AKR1C2: variants seen among roughly 807,000 people sequenced by gnomAD.
The protein encoded by AKR1C2 is aldo-keto reductase family 1 member C2, also known as 3-alpha-HSD3.
AKR1C2 carries 27 observed loss-of-function variants against 39.8 expected under a neutral mutation model. The observed-to-expected ratio is 0.68, with a 90% confidence interval of 0.50 to 0.93. The LOEUF (loss-of-function observed/expected upper bound fraction) is 0.93, where lower values mean the gene tolerates loss of function less well. AKR1C2 is among the 40% of genes least tolerant of loss of function. The pLI is 0.00. For missense variants in AKR1C2, 263 were observed against 365.1 expected (o/e 0.72, Z 2.28); for synonymous variants, 114 against 137.9 (o/e 0.83, Z 1.22).
chr10:5,000,068 A>T (rs1487237672), intron 3 of AKR1C2: 2 of 1,099,472 alleles, frequency 1.8e-6, no homozygotes, highest in African/African-American at 3.3e-5. Context: ...GTGAAAAGAG[A>T]GGAAGCAGAA....
chr10:5,011,039 C>A (rs78954779), intron 1 of AKR1C2, among the ~76,000 whole-genome samples: 175 of 140,388 alleles, frequency 1.2e-3, no homozygotes, highest in Non-Finnish European at 1.3e-3. Context: ...TTCTGTAAAG[C>A]AAAAAAAAAA....
At position 4,995,809 on chromosome 10, in the gene AKR1C2, T is replaced by C. The variant is rs782772564; in HGVS notation, c.627A>G (p.Lys209=). The C allele has an allele frequency of 9.3e-6, 15 of 1,612,676 alleles. No individual in the cohort carries two copies. The South Asian group carries it at 1.4e-4, about 15-fold the overall frequency. Residue 209 remains lysine (K), a synonymous_variant, in exon 6 of 9, where the codon AAA becomes AAG. Transcript: ENST00000380753. The stretch of plus-strand genomic sequence containing the variant: ...CACTATAGGCAACCAGAACAATGTC[T>C]TTTGACTTGCAGAAATCCAGCAGTT... ...QRKLLDFCKS[K]DIVLVAYSAL... is the part of the protein sequence containing the mutation.
intron 7 of AKR1C2, among the ~76,000 whole-genome samples, chr10:4,992,904 C>T (rs1554772421): frequency 6.6e-6 from 1 of 151,936 alleles, no homozygotes; most frequent in Non-Finnish European, 1.5e-5. Context: ...GAGCCGAGTT[C>T]GTGCCACTGC....
rs368392406 is a variant in AKR1C2 at position 5,001,700 on chromosome 10, G to A, written c.85-19C>T. ...TAGGAACCTGGGGGAGCAACCAAAC[G>A]TAATATTTTCTGACTAATGTGCCTG... On this transcript the variant is annotated intron_variant, in intron 1 of 8. Transcript: ENST00000380753. 4.3e-5 allele frequency: 69 copies of A among 1,613,032 alleles called. No homozygotes were observed. The highest frequency in any genetic ancestry group is 1.6e-4 in the Middle Eastern group (1 of 6,082).
chr10:4,988,767 T>C lies in AKR1C2; in HGVS notation c.*1229A>G, dbSNP rs1836742693. 6.6e-6 allele frequency: 1 copy of C among 150,626 alleles called. No homozygotes were observed. Among genetic ancestry groups the C allele is most frequent in the Admixed American group, 6.6e-5 (1 of 15,116 alleles). 9.3% of individuals were successfully genotyped at this position (150,626 alleles called of 1,614,324 possible). On this transcript the variant is annotated 3_prime_UTR_variant, in exon 9 of 9. Coordinates refer to ENST00000380753, the MANE Select transcript of AKR1C2 (RefSeq NM_001393392.1). Reference sequence around the variant, plus strand: ...TCATAATGCTTTGATCATTAAGACATGAGATTATCCCAAGTTTTCAAAAGT... The same window carrying C: ...TCATAATGCTTTGATCATTAAGACACGAGATTATCCCAAGTTTTCAAAAGT...
Position 4,995,466 on chromosome 10 carries a change from C to G in AKR1C2, c.699G>C (p.Pro233=). The G allele has an allele frequency of 6.5e-7, 1 of 1,534,558 alleles. No homozygotes were observed. Among genetic ancestry groups the G allele is most frequent in the East Asian group, 2.3e-5 (1 of 43,140 alleles). The part of the protein sequence containing the change: ...REEPWVDPNS[P]VLLEDPVLCA... ...AAAGGACTGGGTCCTCCAAGAGCAC[C>G]GGGGAGTTCGGGTCCACCCTGGAAG... is the stretch of plus-strand genomic sequence containing the variant. The change falls in exon 7 of 9, where the codon CCG becomes CCC. Residue 233 remains proline, a synonymous_variant. Transcript: ENST00000380753.
chr10:5,016,295 T>A (rs1837637727), intron 1 of AKR1C2, among the ~76,000 whole-genome samples: 1 of 152,208 alleles, frequency 6.6e-6, no homozygotes. Flanking sequence ...CCCTTCCAAC[T>A]ATGAGTCATA....
Position 4,999,226 on chromosome 10 carries a change from T to C in AKR1C2, c.421A>G (p.Thr141Ala). 6.2e-7 allele frequency: 1 copy of C among 1,609,000 alleles called. No homozygotes were observed. Among genetic ancestry groups the C allele is most frequent in the Non-Finnish European group, 8.5e-7 (1 of 1,176,856 alleles). The part of the protein sequence containing the change: ...KDENGKILFD[T>A]VDLCATWEAM... ...TCCCATGTGGCACAGAGATCCACTG[T>C]GTCAAATAGTATTTTTCCATTTTCA... is the stretch of plus-strand genomic sequence containing the variant. The change falls in exon 4 of 9, where the codon ACA becomes GCA. Residue 141 changes from threonine (T) to alanine (A), a missense_variant. This residue lies in a region of AKR1C2 where 247 missense variants were observed against 267.9 expected (regional missense o/e 0.92). Coordinates refer to ENST00000380753, the MANE Select transcript of AKR1C2 (RefSeq NM_001393392.1).
chr10:5,013,221 A>C (rs1421187890), intron 1 of AKR1C2: 1 of 152,224 alleles, frequency 6.6e-6, no homozygotes, highest in Admixed American at 6.5e-5. Flanking sequence ...AAAATAAAAA[A>C]GTTTTGGAGA....
At chr10:4,993,060 A>C (rs1179109045) in intron 7 of AKR1C2, among the ~76,000 whole-genome samples, 1 of 152,214 alleles carries the variant, frequency 6.6e-6, no homozygotes, top group Non-Finnish European at 1.5e-5. Context: ...TGGACTGGAA[A>C]TCTCAATATT....
chr10:5,009,862 A>G (rs1368451817), intron 1 of AKR1C2, among the ~76,000 whole-genome samples: 1 of 149,526 alleles, frequency 6.7e-6, no homozygotes, highest in Non-Finnish European at 1.5e-5. Flanking sequence ...AATTTGGCCT[A>G]GGAGGATTGG....
In AKR1C2 at chr10:5,000,445, A is replaced by T. The variant is rs111395351; in HGVS notation, c.369+105T>A. The T allele has an allele frequency of 9.4e-6, 15 of 1,603,482 alleles. No homozygotes were observed. The African/African-American group carries it at 1.1e-4, about 11-fold the overall frequency. On this transcript the variant is annotated intron_variant, in intron 3 of 8. Coordinates refer to ENST00000380753, the MANE Select transcript of AKR1C2 (RefSeq NM_001393392.1). ...TGTTTAGGGCTCTTCTTCCATGTTAAAATCCCTATGTCCTCCTAAGAAAAA... is the reference window on the plus strand; with the variant it reads ...TGTTTAGGGCTCTTCTTCCATGTTATAATCCCTATGTCCTCCTAAGAAAAA...
At chr10:5,016,725 G>A (rs1195295827) in intron 1 of AKR1C2, among the ~76,000 whole-genome samples, 3 of 152,196 alleles carry the variant, frequency 2.0e-5, no homozygotes, top group African/African-American at 7.2e-5. Flanking sequence ...AATTTTGTGT[G>A]GGAGCTCAAA....
intron 1 of AKR1C2, among the ~76,000 whole-genome samples, chr10:5,016,265 T>C (rs1363944473): frequency 7.2e-5 from 11 of 152,184 alleles, no homozygotes; most frequent in Admixed American, 3.9e-4. Context: ...TTCTAAAGTC[T>C]CATCTGAGAC....
upstream of AKR1C2, chr10:5,007,526 A>T (rs1487558970): frequency 2.6e-5 from 4 of 151,218 alleles, no homozygotes; most frequent in Admixed American, 1.3e-4. Flanking sequence ...AAATAATTAC[A>T]GATTATGCAC....
At chr10:5,016,845 C>G (rs1837650831) in intron 1 of AKR1C2, among the ~76,000 whole-genome samples, 1 of 152,220 alleles carries the variant, frequency 6.6e-6, no homozygotes, top group African/African-American at 2.4e-5. Context: ...TCTCTGAAAT[C>G]TAGGCAGAGG....
In AKR1C2 at chr10:4,989,702, T is replaced by C. The variant is rs1461160624; in HGVS notation, c.*294A>G. On this transcript the variant is annotated 3_prime_UTR_variant, in exon 9 of 9. Coordinates refer to ENST00000380753, the MANE Select transcript of AKR1C2 (RefSeq NM_001393392.1). Reference sequence around the variant, plus strand: ...TCTTCCAACCCCGGCCCTAAACGTATAGGCAAATCACAATTTGGGGGCACT... The same window carrying C: ...TCTTCCAACCCCGGCCCTAAACGTACAGGCAAATCACAATTTGGGGGCACT... The C allele has an allele frequency of 1.7e-5, 8 of 471,974 alleles. No individual in the cohort carries two copies. Among genetic ancestry groups the C allele is most frequent in the African/African-American group, 1.6e-4 (8 of 48,538 alleles). 29.2% of individuals were successfully genotyped at this position (471,974 alleles called of 1,614,324 possible). A position where few individuals can be genotyped will look rare whatever the true frequency, so the allele number is the denominator to read the frequency against.
rs1836738397 is a variant in AKR1C2, at chr10:4,988,633, A to C, written c.*1363T>G. 6.6e-6 allele frequency: 1 copy of C among 152,184 alleles called. No homozygotes were observed. Among genetic ancestry groups the C allele is most frequent in the African/African-American group, 2.4e-5 (1 of 41,444 alleles). 9.4% of individuals were successfully genotyped at this position (152,184 alleles called of 1,614,324 possible). A position where few individuals can be genotyped will look rare whatever the true frequency, so the allele number is the denominator to read the frequency against. On this transcript the variant is annotated 3_prime_UTR_variant, in exon 9 of 9. Coordinates refer to ENST00000380753, the MANE Select transcript of AKR1C2 (RefSeq NM_001393392.1). The stretch of plus-strand genomic sequence containing the variant: ...TGCTGGGATGCCTATCAGCTCTGAG[A>C]CATGGCTTGAGAAGGAATCTCTGAT...
upstream of AKR1C2, among the ~76,000 whole-genome samples, chr10:5,008,937 A>AG (rs35166812): frequency 6.6e-6 from 1 of 152,194 alleles, no homozygotes. Context: ...GTGAACAAAA[A>AG]GGGGTACACT....
Sources: gnomAD v4.1 joint callset for allele counts (sites outside exome capture counted in the v4.1 genomes callset) on GRCh38, gnomAD v4.1.1 for gene constraint, gnomAD v4.1.1 regional missense constraint, MANE v1.5 for transcripts, NCBI Gene and HGNC (gene_info 2026-07-23, HGNC 2026-07-21) for gene names.